DCDC2: variants seen among roughly 807,000 people sequenced by gnomAD.
DCDC2 encodes doublecortin domain containing 2, also known as doublecortin domain-containing protein 2.
In DCDC2, 40 loss-of-function variants were observed where a neutral mutation model predicts 50.2. The ratio of observed to expected loss-of-function variants is 0.80; its 90% CI spans 0.62 to 1.04. The LOEUF is 1.04. DCDC2 is among the 50% of genes least tolerant of loss of function. The pLI is 0.00. For synonymous variants in DCDC2, 234 were observed against 210.6 expected (o/e 1.11, Z -0.96); for missense variants, 570 against 581.9 (o/e 0.98, Z 0.21).
rs140682121 is a variant in DCDC2 at position 24,300,187 on chromosome 6, C to A, written c.557+1528G>T. ...GGCGGATTGCTTGACCCCAGGAGTT[C>A]AAGACCAGCTTGGGCAACATGACAA... On this transcript the variant is annotated intron_variant, in intron 4 of 9. Transcript: ENST00000378454. 1.7e-3 allele frequency among the ~76,000 whole-genome samples: 260 copies of A among 151,466 alleles called. 2 individuals are homozygous for A. Among genetic ancestry groups the A allele is most frequent in the Admixed American group, 6.0e-3 (91 of 15,234 alleles).
chr6:24,278,083 T>A lies in DCDC2; in HGVS notation c.888A>T (p.Lys296Asn). 1 of 1,613,114 alleles carries A rather than the reference T, an allele frequency of 6.2e-7. No individual in the cohort carries two copies. Among genetic ancestry groups the A allele is most frequent in the Non-Finnish European group, 8.5e-7 (1 of 1,179,384 alleles). ...GAATGGTTTCTTGTGAATTCTTTAATTTTACATTTTGTTTCAATTTCGTCA... is the reference window on the plus strand; with the variant it reads ...GAATGGTTTCTTGTGAATTCTTTAAATTTACATTTTGTTTCAATTTCGTCA... ...EKLTKLKQNV[K>N]LKNSQETIPN... The change falls in exon 7 of 10, where the codon AAA becomes AAT. Residue 296 changes from lysine to asparagine, a missense_variant. Transcript: ENST00000378454.
At chr6:24,338,253 C>G (rs966198581) in intron 2 of DCDC2, among the ~76,000 whole-genome samples, 2 of 152,206 alleles carry the variant, frequency 1.3e-5, no homozygotes, top group African/African-American at 4.8e-5. Context: ...CATGCACAAA[C>G]ACTCACAGTG....
At chr6:24,256,558 G>A (rs868803054) in intron 7 of DCDC2, among the ~76,000 whole-genome samples, 1 of 151,996 alleles carries the variant, frequency 6.6e-6, no homozygotes, top group Non-Finnish European at 1.5e-5. Flanking sequence ...CAAATGCTGG[G>A]TATTTCTGCT....
chr6:24,236,129 G>A (rs1762435791), intron 7 of DCDC2, among the ~76,000 whole-genome samples: 1 of 151,878 alleles, frequency 6.6e-6, no homozygotes, highest in Non-Finnish European at 1.5e-5. Context: ...AACCCAAATA[G>A]CCAAAGCAAT....
intron 8 of DCDC2, among the ~76,000 whole-genome samples, chr6:24,195,534 C>G (rs1238043343): frequency 6.6e-6 from 1 of 151,968 alleles, no homozygotes; most frequent in Non-Finnish European, 1.5e-5. Flanking sequence ...ATAAAGAAAC[C>G]CAGCCTTTGT....
chr6:24,288,753 T>C, intron 6 of DCDC2, 99 bp downstream of exon 6: 1 of 1,107,130 alleles, frequency 9.0e-7, no homozygotes, highest in South Asian at 1.3e-5. Flanking sequence ...ACGAAGCGGC[T>C]AAGTTTTATC....
At chr6:24,207,815 C>G (rs1427706469) in intron 7 of DCDC2, among the ~76,000 whole-genome samples, 1 of 152,192 alleles carries the variant, frequency 6.6e-6, no homozygotes, top group Non-Finnish European at 1.5e-5. Context: ...GTATACACCC[C>G]CTACACCCAC....
intron 2 of DCDC2, among the ~76,000 whole-genome samples, chr6:24,332,718 C>T (rs1049136570): frequency 6.6e-6 from 1 of 152,042 alleles, no homozygotes; most frequent in East Asian, 1.9e-4. Context: ...CATAAAAGAA[C>T]AGTAGTATTT....
At chr6:24,222,275 T>C (rs1409540727) in intron 7 of DCDC2, among the ~76,000 whole-genome samples, 1 of 152,100 alleles carries the variant, frequency 6.6e-6, no homozygotes, top group Admixed American at 6.6e-5. Context: ...GAAGAGACTT[T>C]GGAGAAAGAA....
At chr6:24,288,604 A>G (rs1186747849) in intron 6 of DCDC2, among the ~76,000 whole-genome samples, 2 of 152,240 alleles carry the variant, frequency 1.3e-5, no homozygotes, top group African/African-American at 4.8e-5. Context: ...CCAAGATTTT[A>G]AGTGCAATAT....
intron 8 of DCDC2, among the ~76,000 whole-genome samples, chr6:24,201,576 C>T (rs1030150751): frequency 6.6e-6 from 1 of 152,118 alleles, no homozygotes; most frequent in Admixed American, 6.5e-5. Flanking sequence ...TATATCCTAA[C>T]ATCACAATTA....
At chr6:24,229,018 A>T (rs1437937728) in intron 7 of DCDC2, among the ~76,000 whole-genome samples, 1 of 152,206 alleles carries the variant, frequency 6.6e-6, no homozygotes, top group African/African-American at 2.4e-5. Context: ...TAGCACTGCT[A>T]AGTAGATGCG....
chr6:24,305,798 G>C (rs988657514), intron 2 of DCDC2, among the ~76,000 whole-genome samples: 1 of 152,004 alleles, frequency 6.6e-6, no homozygotes, highest in Non-Finnish European at 1.5e-5. Flanking sequence ...AGGCCAAGGG[G>C]GGGTGGATCA....
the DCDC2 span, among the ~76,000 whole-genome samples, chr6:24,364,930 G>C: frequency 2.0e-5 from 3 of 152,144 alleles, no homozygotes; most frequent in Non-Finnish European, 2.9e-5. Flanking sequence ...TATTCTGCTA[G>C]TTTTTCCTTA....
the DCDC2 span, among the ~76,000 whole-genome samples, chr6:24,368,682 A>G: frequency 3.0e-5 from 1 of 33,260 alleles, no homozygotes; most frequent in Non-Finnish European, 6.6e-5. Flanking sequence ...AACTTGGCTC[A>G]GACAGAAAAA....
chr6:24,379,343 G>GA, the DCDC2 span, among the ~76,000 whole-genome samples: 11 of 148,202 alleles, frequency 7.4e-5, no homozygotes, highest in Non-Finnish European at 1.3e-4. Flanking sequence ...AAATTTACAA[G>GA]AAAAAAAACA....
chr6:24,349,964 A>G (rs150527170), intron 2 of DCDC2, among the ~76,000 whole-genome samples: 5 of 151,920 alleles, frequency 3.3e-5, no homozygotes, highest in African/African-American at 7.3e-5. Context: ...TCTTTCTTTT[A>G]TTCTTCTGTT....
At chr6:24,180,539 C>T (rs1204155622) in intron 8 of DCDC2, among the ~76,000 whole-genome samples, 1 of 152,100 alleles carries the variant, frequency 6.6e-6, no homozygotes, top group Non-Finnish European at 1.5e-5. Flanking sequence ...CCACCTGCCT[C>T]AGCCTCCCAA....
chr6:24,209,092 AAT>A (rs1313809731), intron 7 of DCDC2, among the ~76,000 whole-genome samples: 3 of 152,360 alleles, frequency 2.0e-5, no homozygotes, highest in Non-Finnish European at 4.4e-5. Flanking sequence ...ATATAATAAG[AAT>A]ATGTTTCCCC....
Sources: gnomAD v4.1 joint callset for allele counts (sites outside exome capture counted in the v4.1 genomes callset) on GRCh38, gnomAD v4.1.1 for gene constraint, MANE v1.5 for transcripts, NCBI Gene and HGNC (gene_info 2026-07-23, HGNC 2026-07-21) for gene names.